Variants in SNAPC4 observed in about 807,000 individuals in gnomAD.
The protein encoded by SNAPC4 is snRNA-activating protein complex subunit 4.
In SNAPC4, 127 loss-of-function variants were observed where a neutral mutation model predicts 151.3. The observed-to-expected ratio is 0.84, with a 90% confidence interval of 0.73 to 0.97. SNAPC4 has a LOEUF of 0.97. Among genes scored for constraint, SNAPC4 ranks in the 50% least tolerant of loss-of-function variants. SNAPC4 has a pLI of 0.00. For missense variants in SNAPC4, 2,186 were observed against 1,935.0 expected (o/e 1.13, Z -2.43); for synonymous variants, 1,002 against 824.4 (o/e 1.22, Z -3.69).
intron 4 of SNAPC4, 63 bp downstream of exon 4, chr9:136,395,540 C>G: frequency 2.5e-6 from 4 of 1,568,702 alleles, no homozygotes; most frequent in Non-Finnish European, 3.5e-6. Flanking sequence ...CCTGGGAGGC[C>G]CAGCTGTGGG....
At chr9:136,396,356 G>C (rs1350783967) in intron 3 of SNAPC4, among the ~76,000 whole-genome samples, 2 of 152,230 alleles carry the variant, frequency 1.3e-5, no homozygotes, top group African/African-American at 4.8e-5. Context: ...TAAACAAAAG[G>C]CAGCTAATAA....
intron 13 of SNAPC4, among the ~76,000 whole-genome samples, chr9:136,385,627 C>A (rs1489315882): frequency 3.3e-5 from 5 of 152,068 alleles, no homozygotes; most frequent in Non-Finnish European, 7.4e-5. Context: ...GCAATCTCAG[C>A]TCGCTGCAAC....
chr9:136,381,382 G>A lies in SNAPC4; in HGVS notation c.2328C>T (p.Leu776=), dbSNP rs1447900828. 2 of 1,612,596 alleles carry A rather than the reference G, an allele frequency of 1.2e-6. No individual in the cohort carries two copies. The highest frequency in any genetic ancestry group is 1.7e-6 in the Non-Finnish European group (2 of 1,179,718). The change falls in exon 19 of 24, where the codon CTC becomes CTT. Residue 776 remains leucine (L), a synonymous_variant. Coordinates refer to ENST00000684778, the MANE Select transcript of SNAPC4 (RefSeq NM_003086.4). ...GGCGGGCCTGCTGCAGCTGCTCCCT[G>A]AGGCCATCCGCTGCGGGCACAGGGG... ...PAVVQTQADG[L]REQLQQARLA...
intron 21 of SNAPC4, 122 bp downstream of exon 21, chr9:136,379,715 C>T: frequency 1.1e-6 from 1 of 934,542 alleles, no homozygotes; most frequent in Non-Finnish European, 1.7e-6. Context: ...GGAGCTCTGT[C>T]ACCAGGGGCC....
chr9:136,382,558 G>C (rs1250003943), intron 16 of SNAPC4, among the ~76,000 whole-genome samples: 1 of 152,206 alleles, frequency 6.6e-6, no homozygotes, highest in South Asian at 2.1e-4. Flanking sequence ...AGGGTCCCAT[G>C]CCCCCCAGCC....
At chr9:136,391,143 A>C (rs1834060011) in intron 10 of SNAPC4, among the ~76,000 whole-genome samples, 1 of 152,192 alleles carries the variant, frequency 6.6e-6, no homozygotes, top group Non-Finnish European at 1.5e-5. Context: ...AGAATTAAGC[A>C]TCTTTAAAGG....
chr9:136,387,560 G>A lies in SNAPC4; in HGVS notation c.1250C>T (p.Ala417Val). Residue 417 changes from alanine to valine, a missense_variant, in exon 13 of 24, where the codon GCC (alanine) becomes GTC (valine). By Grantham distance (64) the Ala-to-Val change is moderately conservative. Coordinates refer to ENST00000684778, the MANE Select transcript of SNAPC4 (RefSeq NM_003086.4). ...EEDAKLLQAVAKYGEQDWFKI... is the reference protein window; with the variant it reads ...EEDAKLLQAVVKYGEQDWFKI... Reference sequence around the variant, plus strand: ...AAACCAATCCTGCTCCCCGTATTTGGCAACAGCTTGAAGCAACTTCTGCAG... The same window carrying A: ...AAACCAATCCTGCTCCCCGTATTTGACAACAGCTTGAAGCAACTTCTGCAG... The A allele has an allele frequency of 6.2e-7, 1 of 1,613,748 alleles. No individual in the cohort carries two copies. The highest frequency in any genetic ancestry group is 8.5e-7 in the Non-Finnish European group (1 of 1,179,790).
chr9:136,378,068 G>A lies in SNAPC4; in HGVS notation c.3759C>T (p.Asp1253=), dbSNP rs2131465610. The change falls in exon 22 of 24, where the codon GAC becomes GAT. Residue 1253 remains aspartate (D), a synonymous_variant. Coordinates refer to ENST00000684778, the MANE Select transcript of SNAPC4 (RefSeq NM_003086.4). ...GCTGGGGTAGGGGCGGCTTCTCCAG[G>A]TCCAGGGCCCCCTTCTCAGGCCCAG... The part of the protein sequence containing the change: ...RQPGPEKGAL[D]LEKPPLPQPG... 1.9e-6 allele frequency: 3 copies of A among 1,579,142 alleles called. No individual in the cohort carries two copies. The highest frequency in any genetic ancestry group is 2.6e-6 in the Non-Finnish European group (3 of 1,163,394).
In SNAPC4 at chr9:136,395,710, G is replaced by A. The variant is rs762765935; in HGVS notation, c.238C>T (p.Pro80Ser). Residue 80 changes from proline (P) to serine (S), a missense_variant, in exon 4 of 24, where the codon CCT becomes TCT. Physicochemically the swap from Pro to Ser is moderately conservative, Grantham distance 74. Coordinates refer to ENST00000684778, the MANE Select transcript of SNAPC4 (RefSeq NM_003086.4). ...TGCAGGCAGGTTTCTGGGTCTTCAG[G>A]GAGGGTTTTATCCTTGGGATCGTCC... ...DEDDPKDKTL[P>S]EDPETCLQLN... The A allele has an allele frequency of 7.4e-6, 12 of 1,613,572 alleles. No homozygotes were observed. The South Asian group carries it at 7.7e-5, about 10-fold the overall frequency.
At position 136,381,837 on chromosome 9, in the gene SNAPC4, T is replaced by C; in HGVS notation, c.2304A>G (p.Val768=). 2 of 1,608,726 alleles carry C rather than the reference T, an allele frequency of 1.2e-6. No individual in the cohort carries two copies. Among genetic ancestry groups the C allele is most frequent in the Non-Finnish European group, 1.7e-6 (2 of 1,177,488 alleles). Reference sequence around the variant, plus strand: ...CCCAGGCCATACCTTGAGTCTGCACTACGGCGGGTCTCTGGGAAGCCTGTG... The same window carrying C: ...CCCAGGCCATACCTTGAGTCTGCACCACGGCGGGTCTCTGGGAAGCCTGTG... ...PCTQASQRPA[V]VQTQADGLRE... is the part of the protein sequence containing the mutation. Residue 768 remains valine (V), a synonymous_variant, in exon 18 of 24, where the codon GTA becomes GTG. Coordinates refer to ENST00000684778, the MANE Select transcript of SNAPC4 (RefSeq NM_003086.4).
At position 136,387,657 on chromosome 9, in the gene SNAPC4, AAGGGACCACTGGGGCACAGC is replaced by A. The variant is rs1184763163; in HGVS notation, c.1230+65_1231-79del. ...CTCCCCACCCTGAACCCAGTCAGAG[AAGGGACCACTGGGGCACAGC>A]AGCCGCTGAACACAGCCGCGTTACC... On this transcript the variant is annotated intron_variant, in intron 12 of 23. Transcript: ENST00000684778. 2.9e-6 allele frequency: 4 copies of A among 1,379,324 alleles called. No homozygotes were observed. In the East Asian group the frequency reaches 9.1e-5, roughly 31 times the overall value. The allele number at this position is 1,379,324 out of a possible 1,614,324, so 85.4% of individuals were successfully genotyped here.
In SNAPC4 at chr9:136,384,760, T is replaced by C. The variant is rs1450265088; in HGVS notation, c.1380A>G (p.Glu460=). 5.0e-6 allele frequency: 8 copies of C among 1,590,714 alleles called. No individual in the cohort carries two copies. The highest frequency in any genetic ancestry group is 6.9e-6 in the Non-Finnish European group (8 of 1,163,464). ...SLKKGRWNLK[E]EEQLIELIEK... The stretch of plus-strand genomic sequence containing the variant: ...CTATTAATTCAATTAACTGTTCCTC[T>C]TCTTTTAAATTCCACCGACCCTTTT... Residue 460 remains glutamate, a synonymous_variant, in exon 14 of 24, where the codon GAA becomes GAG. Coordinates refer to ENST00000684778, the MANE Select transcript of SNAPC4 (RefSeq NM_003086.4).
chr9:136,381,764 T>G (rs1360325969), intron 18 of SNAPC4, 60 bp downstream of exon 18: 39 of 1,559,272 alleles, frequency 2.5e-5, no homozygotes, highest in Non-Finnish European at 3.3e-5. Flanking sequence ...CTAGGCTGGA[T>G]GTACTCTTCA....
intron 10 of SNAPC4, among the ~76,000 whole-genome samples, chr9:136,389,562 G>C (rs1031995940): frequency 6.6e-6 from 1 of 152,144 alleles, no homozygotes; most frequent in African/African-American, 2.4e-5. Flanking sequence ...GCAAGCTGCA[G>C]GGCAATCCTA....
rs775560782 is a variant in SNAPC4, at chr9:136,378,649, G to A, written c.3178C>T (p.Leu1060=). Residue 1060 remains leucine (L), a synonymous_variant, in exon 22 of 24, where the codon CTG becomes TTG. Coordinates refer to ENST00000684778, the MANE Select transcript of SNAPC4 (RefSeq NM_003086.4). ...ACATGTGGCCCTCCTATGTGCGTCAGGCTGAGGGGCTGGACGGGCAGTGGG... is the reference window on the plus strand; with the variant it reads ...ACATGTGGCCCTCCTATGTGCGTCAAGCTGAGGGGCTGGACGGGCAGTGGG... ...PTPLPVQPLS[L]THIGGPHVAT... 10 of 1,528,486 alleles carry A rather than the reference G, an allele frequency of 6.5e-6. No homozygotes were observed. The Admixed American group carries it at 2.1e-4, about 32-fold the overall frequency. 94.7% of individuals were successfully genotyped at this position (1,528,486 alleles called of 1,614,324 possible). A position where few individuals can be genotyped will look rare whatever the true frequency, so the allele number is the denominator to read the frequency against.
chr9:136,397,588 T>C (rs1475317166), intron 2 of SNAPC4, among the ~76,000 whole-genome samples: 1 of 89,038 alleles, frequency 1.1e-5, no homozygotes, highest in African/African-American at 4.4e-5. Context: ...GTGGGGAGCC[T>C]ATGGGGTGGG....
Position 136,396,966 on chromosome 9 carries a change from C to A in SNAPC4, c.177+11G>T. 2 of 1,612,614 alleles carry A rather than the reference C, an allele frequency of 1.2e-6. No individual in the cohort carries two copies. Among genetic ancestry groups the A allele is most frequent in the Non-Finnish European group, 1.7e-6 (2 of 1,179,640 alleles). On this transcript the variant is annotated intron_variant, in intron 3 of 23. Coordinates refer to ENST00000684778, the MANE Select transcript of SNAPC4 (RefSeq NM_003086.4). The stretch of plus-strand genomic sequence containing the variant: ...GACCCAGTGGCACAGCCAGATCAGG[C>A]CAACAGTTACCGAGATCGGGGGATC...
intron 10 of SNAPC4, among the ~76,000 whole-genome samples, chr9:136,390,554 GAAAAAAA>G (rs58732608): frequency 2.0e-4 from 10 of 48,814 alleles, no homozygotes; most frequent in African/African-American, 7.0e-4. Flanking sequence ...GACTCTGTTT[GAAAAAAA>G]AAAAAAAAAA....
chr9:136,380,303 G>C (rs1249092714), intron 20 of SNAPC4, among the ~76,000 whole-genome samples: 1 of 152,086 alleles, frequency 6.6e-6, no homozygotes, highest in South Asian at 2.1e-4. Context: ...GGGAGAGGCG[G>C]GGGGGCTGGA....
Sources: allele counts gnomAD v4.1 joint callset (sites outside exome capture counted in the v4.1 genomes callset), GRCh38; gene constraint gnomAD v4.1.1; transcripts MANE v1.5; gene names NCBI Gene and HGNC (gene_info 2026-07-23, HGNC 2026-07-21).